The following DAB2IP variants were observed in gnomAD, a reference collection of about 807,000 sequenced individuals.
The protein encoded by DAB2IP is DAB2 interacting protein.
Under a neutral mutation model 107.2 loss-of-function variants are expected in DAB2IP, and 28 were observed. The ratio of observed to expected loss-of-function variants is 0.26; its 90% CI spans 0.19 to 0.36. The LOEUF is 0.36. Among genes scored for constraint, DAB2IP ranks in the 10% least tolerant of loss-of-function variants. The pLI is 1.00. For synonymous variants in DAB2IP, 755 were observed against 706.4 expected (o/e 1.07, Z -1.09); for missense variants, 1,400 against 1,644.7 (o/e 0.85, Z 2.57).
In DAB2IP at chr9:121,651,659, G is replaced by A; in HGVS notation, c.-117G>A. On this transcript the variant is annotated 5_prime_UTR_variant, in exon 1 of 16. Coordinates refer to ENST00000408936, the Ensembl canonical transcript of DAB2IP. This position sits in a 1 kb window ranked among gnomAD's most constrained non-coding sequence, Gnocchi z 5.1. ...GACTTTGTGGGGCAGCCAGGGCCTCGGCGGCCGCTCGGGCGAGCGCGGGAG... is the reference window on the plus strand; with the variant it reads ...GACTTTGTGGGGCAGCCAGGGCCTCAGCGGCCGCTCGGGCGAGCGCGGGAG... 1 of 1,083,374 alleles carries A rather than the reference G, an allele frequency of 9.2e-7. No individual in the cohort carries two copies. Among genetic ancestry groups the A allele is most frequent in the Non-Finnish European group, 1.1e-6 (1 of 894,826 alleles). The allele number at this position is 1,083,374 out of a possible 1,614,324, so 67.1% of individuals were successfully genotyped here.
chr9:121,713,302 G>GTGGGGCCT (rs1830426193), intron 3 of DAB2IP, among the ~76,000 whole-genome samples: 1 of 152,142 alleles, frequency 6.6e-6, no homozygotes, highest in Non-Finnish European at 1.5e-5. Flanking sequence ...GTTGGCTGGG[G>GTGGGGCCT]TGGGGCCTTA....
intron 1 of DAB2IP, among the ~76,000 whole-genome samples, chr9:121,582,385 G>T (rs1438287179): frequency 6.6e-6 from 1 of 152,084 alleles, no homozygotes; most frequent in Non-Finnish European, 1.5e-5. Flanking sequence ...GGGAACCAGG[G>T]CTGCTCAGAG....
chr9:121,755,393 T>G (rs749604944), intron 3 of DAB2IP, among the ~76,000 whole-genome samples: 24 of 152,264 alleles, frequency 1.6e-4, no homozygotes, highest in Admixed American at 9.2e-4. Flanking sequence ...CTTGTGGGAG[T>G]TGGGGAGGGT....
At chr9:121,643,701 C>T (rs545304859) in intron 1 of DAB2IP, among the ~76,000 whole-genome samples, 2 of 150,896 alleles carry the variant, frequency 1.3e-5, no homozygotes, top group South Asian at 4.4e-4. Context: ...TCTTCCAGGA[C>T]TTCTCTCTTC....
At chr9:121,748,695 G>A (rs1054022809) in intron 3 of DAB2IP, among the ~76,000 whole-genome samples, 1 of 152,220 alleles carries the variant, frequency 6.6e-6, no homozygotes, top group Non-Finnish European at 1.5e-5. Flanking sequence ...GTAAGTGGCT[G>A]TTAGGTCCAG....
At chr9:121,629,529 C>T (rs1831794727) in intron 1 of DAB2IP, among the ~76,000 whole-genome samples, 1 of 152,208 alleles carries the variant, frequency 6.6e-6, no homozygotes. Flanking sequence ...AGTCAGAGCC[C>T]ACTCCAGTCC....
chr9:121,646,316 T>C (rs974133345), intron 1 of DAB2IP, among the ~76,000 whole-genome samples: 11 of 152,082 alleles, frequency 7.2e-5, no homozygotes, highest in African/African-American at 2.7e-4. Flanking sequence ...TTGTCTATGC[T>C]TTTCCCTGAA....
Position 121,699,980 on chromosome 9 carries a change from C to T in DAB2IP, c.362+522C>T, listed in dbSNP as rs1193105719. On this transcript the variant is annotated intron_variant, in intron 3 of 15. Transcript: ENST00000408936. This position sits in a 1 kb window ranked among gnomAD's most constrained non-coding sequence, Gnocchi z 6.2. ...CTGGGCCACTTAGGGGGCACATCTG[C>T]TCTAAGTAGGGCGCGTGCTCCACTG... Among the ~76,000 whole-genome samples the T allele has an allele frequency of 6.6e-6, 1 of 152,198 alleles. No homozygotes were observed. The highest frequency in any genetic ancestry group is 1.5e-5 in the Non-Finnish European group (1 of 68,006).
intron 1 of DAB2IP, among the ~76,000 whole-genome samples, chr9:121,580,118 T>G (rs1007821911): frequency 6.6e-6 from 1 of 152,088 alleles, no homozygotes; most frequent in Non-Finnish European, 1.5e-5. Context: ...ACCAGGTGAC[T>G]CTAAGGGGCA....
chr9:121,651,546 C>T (rs886667723), upstream of DAB2IP: 20 of 584,544 alleles, frequency 3.4e-5, 1 homozygote, highest in South Asian at 5.4e-4. The surrounding 1 kb of genome is among the most constrained non-coding windows in gnomAD (Gnocchi z 5.1). Context: ...GGGCCGGTGC[C>T]AGCCCGGCCT....
chr9:121,590,352 C>T (rs1830401180), intron 1 of DAB2IP, among the ~76,000 whole-genome samples: 1 of 151,446 alleles, frequency 6.6e-6, no homozygotes, highest in Non-Finnish European at 1.5e-5. Flanking sequence ...GGTCTTCATC[C>T]TATGATGCTT....
intron 2 of DAB2IP, among the ~76,000 whole-genome samples, chr9:121,687,007 T>C (rs919935388): frequency 2.5e-4 from 38 of 151,910 alleles, no homozygotes; most frequent in African/African-American, 8.5e-4. Context: ...TGAGTTCAGA[T>C]GGAGATGGAG....
chr9:121,758,758 G>A (rs766548744), intron 4 of DAB2IP, 140 bp from the exon 5 acceptor site: 9 of 712,168 alleles, frequency 1.3e-5, no homozygotes, highest in South Asian at 1.8e-5. Flanking sequence ...CGTCATATGA[G>A]CCTTGTCCTG....
intron 1 of DAB2IP, among the ~76,000 whole-genome samples, chr9:121,641,426 G>C (rs1832282236): frequency 6.6e-6 from 1 of 152,158 alleles, no homozygotes; most frequent in African/African-American, 2.4e-5. Context: ...CACCAGCTAT[G>C]GCTCCCATTT....
At chr9:121,735,419 A>C (rs1436231589) in intron 3 of DAB2IP, among the ~76,000 whole-genome samples, 11 of 152,174 alleles carry the variant, frequency 7.2e-5, no homozygotes, top group African/African-American at 2.7e-4. Context: ...CTGCCTGTAC[A>C]CAGTAGGTGC....
rs1401648210 is a variant in DAB2IP at position 121,740,422 on chromosome 9, G to T, written c.363-16591G>T. On this transcript the variant is annotated intron_variant, in intron 3 of 15. Coordinates refer to ENST00000408936, the Ensembl canonical transcript of DAB2IP. ...TTACACCAGTCTCTCTGGGTCCACG[G>T]CCCCTAAATAAGAGTATCCTGGAGC... Among the ~76,000 whole-genome samples, 6 of 152,152 alleles carry T rather than the reference G, an allele frequency of 3.9e-5. No individual in the cohort carries two copies. In the South Asian group the frequency reaches 1.0e-3, roughly 26 times the overall value.
chr9:121,629,110 T>C (rs772220248), intron 1 of DAB2IP, among the ~76,000 whole-genome samples: 15 of 152,090 alleles, frequency 9.9e-5, no homozygotes, highest in Non-Finnish European at 1.5e-4. Context: ...CCAGACTCAG[T>C]GATGGACCCA....
At position 121,778,144 on chromosome 9, in the gene DAB2IP, T is replaced by G. The variant is rs138786252; in HGVS notation, c.3314+1753T>G. ...GGGTATAGTGACTCTCTGCTTCATA[T>G]TATAGTGCACCGTTGCTGTGTTCTC... is the stretch of plus-strand genomic sequence containing the variant. On this transcript the variant is annotated intron_variant, in intron 14 of 15. Transcript: ENST00000408936. Among the ~76,000 whole-genome samples the G allele has an allele frequency of 9.6e-4, 147 of 152,342 alleles. 1 individual carries two copies. The South Asian group carries it at 0.015, about 15-fold the overall frequency.
At chr9:121,762,375 G>A (rs904725620) in intron 6 of DAB2IP, among the ~76,000 whole-genome samples, 2 of 152,138 alleles carry the variant, frequency 1.3e-5, no homozygotes, top group Non-Finnish European at 2.9e-5. Flanking sequence ...GGAGCCCCGG[G>A]GGAGATGCAC....
Sources: gnomAD v4.1 joint callset for allele counts (sites outside exome capture counted in the v4.1 genomes callset) on GRCh38, gnomAD v4.1.1 for gene constraint, Gnocchi (gnomAD v3.1) non-coding constraint, MANE v1.5 for transcripts, NCBI Gene and HGNC (gene_info 2026-07-23, HGNC 2026-07-21) for gene names.